MKLN1: variants seen among roughly 807,000 people sequenced by gnomAD.
MKLN1 encodes muskelin 1, also known as muskelin.
MKLN1 carries 18 observed loss-of-function variants against 99.0 expected under a neutral mutation model. The ratio of observed to expected loss-of-function variants is 0.18; its 90% confidence interval spans 0.13 to 0.27. The LOEUF is 0.27. MKLN1 is among the 10% of genes least tolerant of loss of function. The probability of loss-of-function intolerance (pLI) is 1.00; values close to 1 mark genes in which losing one functional copy is unlikely to be tolerated. For synonymous variants in MKLN1, 288 were observed against 293.2 expected (o/e 0.98, Z 0.18); for missense variants, 621 against 875.9 (o/e 0.71, Z 3.67).
intron 2 of MKLN1, among the ~76,000 whole-genome samples, chr7:131,198,372 A>T (rs911081388): frequency 3.9e-5 from 6 of 152,078 alleles, no homozygotes; most frequent in East Asian, 3.9e-4. Context: ...ATGGAAAAAA[A>T]TTTTTTTTTA....
chr7:131,171,050 C>A (rs937317130), intron 2 of MKLN1, among the ~76,000 whole-genome samples: 1 of 152,090 alleles, frequency 6.6e-6, no homozygotes, highest in Admixed American at 6.6e-5. Context: ...ATAAGACACA[C>A]ATAAAAAAGT....
chr7:131,133,820 G>GTTTTTTTTTTTTTTTTTTTTTTTTTTT (rs1563226583), intron 1 of MKLN1, among the ~76,000 whole-genome samples: 3 of 24,060 alleles, frequency 1.2e-4, no homozygotes, highest in Non-Finnish European at 2.2e-4. Context: ...TTTTAATTTG[G>GTTTTTTTTTTTTTTTTTTTTTTTTTTT]TTTTTTTTTT....
chr7:131,188,350 T>C (rs888251227), intron 2 of MKLN1, among the ~76,000 whole-genome samples: 3 of 152,122 alleles, frequency 2.0e-5, no homozygotes, highest in African/African-American at 7.2e-5. Context: ...ATTTCTCGAG[T>C]CTGTGAATTG....
At chr7:131,445,688 A>C in intron 11 of MKLN1, 86 bp from the exon 12 acceptor site, 9 of 1,130,686 alleles carry the variant, frequency 8.0e-6, no homozygotes, top group Non-Finnish European at 1.1e-5. Flanking sequence ...TTACTTTTGT[A>C]GAGGTTTAAG....
chr7:131,214,501 G>GA (rs1222317286), intron 3 of MKLN1, among the ~76,000 whole-genome samples: 1 of 152,288 alleles, frequency 6.6e-6, no homozygotes, highest in East Asian at 1.9e-4. Flanking sequence ...GGACAAGCTG[G>GA]AAACCAGCAC....
chr7:131,251,093 ATGTGTGTGTGTG>A (rs34359037), intron 3 of MKLN1, among the ~76,000 whole-genome samples: 4 of 146,248 alleles, frequency 2.7e-5, no homozygotes, highest in Admixed American at 6.8e-5. Flanking sequence ...TGGGGCCCAG[ATGTGTGTGTGTG>A]TGTGTGTGTG....
chr7:131,230,065 A>C (rs973220503), intron 3 of MKLN1, among the ~76,000 whole-genome samples: 1 of 152,196 alleles, frequency 6.6e-6, no homozygotes, highest in Non-Finnish European at 1.5e-5. Flanking sequence ...TCATTATACC[A>C]GGTTAATTTT....
intron 17 of MKLN1, among the ~76,000 whole-genome samples, chr7:131,485,897 TAAA>T (rs1026118362): frequency 1.3e-5 from 2 of 151,994 alleles, no homozygotes; most frequent in African/African-American, 4.8e-5. Context: ...AACATGACTG[TAAA>T]AAAGTGACTG....
At chr7:131,479,405 C>T (rs1001790823) in intron 17 of MKLN1, among the ~76,000 whole-genome samples, 2 of 151,956 alleles carry the variant, frequency 1.3e-5, no homozygotes, top group Non-Finnish European at 2.9e-5. Context: ...TGGTGTGCGC[C>T]CATAGTCCTA....
intron 1 of MKLN1, among the ~76,000 whole-genome samples, chr7:131,127,965 G>A (rs1795488697): frequency 6.6e-6 from 1 of 152,160 alleles, no homozygotes; most frequent in African/African-American, 2.4e-5. Flanking sequence ...GGGAAAAAGG[G>A]AGCCAAAAGC....
intron 3 of MKLN1, among the ~76,000 whole-genome samples, chr7:131,253,898 A>C (rs908335709): frequency 1.3e-5 from 2 of 152,260 alleles, no homozygotes; most frequent in African/African-American, 4.8e-5. Context: ...AGGGAGAACC[A>C]GGGAAAGAGA....
intron 3 of MKLN1, among the ~76,000 whole-genome samples, chr7:131,225,454 T>C (rs1247169312): frequency 1.3e-5 from 2 of 152,166 alleles, no homozygotes; most frequent in African/African-American, 4.8e-5. Flanking sequence ...ACTCAGTCCA[T>C]AGCAGCTGGA....
rs1048190562 is a variant in MKLN1 at position 131,135,521 on chromosome 7, A to G, written c.-418-7299A>G. ...TGACAATTGCAGAGGGACAAGCCCA[A>G]TGGGGCTGCCAATATTCAGACATTG... On this transcript the variant is annotated intron_variant, in intron 1 of 7. Transcript: ENST00000416992. Among the ~76,000 whole-genome samples the G allele has an allele frequency of 7.2e-5, 11 of 152,254 alleles. No homozygotes were observed. The South Asian group carries it at 1.9e-3, about 26-fold the overall frequency.
intron 2 of MKLN1, among the ~76,000 whole-genome samples, chr7:131,378,339 T>A (rs1017494022): frequency 3.3e-5 from 5 of 152,224 alleles, no homozygotes; most frequent in African/African-American, 1.2e-4. Flanking sequence ...CTTGAATTCC[T>A]GACCTCAGGT....
At chr7:131,462,470 T>C (rs1324563742) in intron 12 of MKLN1, among the ~76,000 whole-genome samples, 1 of 152,236 alleles carries the variant, frequency 6.6e-6, no homozygotes, top group South Asian at 2.1e-4. Context: ...ATTTAATCTC[T>C]ACTATCAAAT....
At chr7:131,205,774 T>C (rs1796800805) in intron 3 of MKLN1, among the ~76,000 whole-genome samples, 2 of 152,258 alleles carry the variant, frequency 1.3e-5, no homozygotes, top group South Asian at 2.1e-4. Context: ...AGGCCTTGCA[T>C]GTTTTCCTTC....
intron 3 of MKLN1, among the ~76,000 whole-genome samples, chr7:131,298,806 G>T (rs1236146362): frequency 6.6e-6 from 1 of 152,094 alleles, no homozygotes; most frequent in East Asian, 1.9e-4. Context: ...ATTTTTGTTT[G>T]GTAGTTTAGT....
At chr7:131,191,880 T>A (rs111885400) in intron 2 of MKLN1, among the ~76,000 whole-genome samples, 17,167 of 137,460 alleles carry the variant, frequency 0.12, 1,087 homozygotes, top group African/African-American at 0.16. Context: ...TGCCTGACTA[T>A]TTTTTTTTTT....
At chr7:131,456,647 G>A (rs1796348316) in intron 12 of MKLN1, among the ~76,000 whole-genome samples, 1 of 152,076 alleles carries the variant, frequency 6.6e-6, no homozygotes, top group African/African-American at 2.4e-5. Flanking sequence ...TTCTCCCTTT[G>A]TCCAGGGAGA....
Sources: allele counts gnomAD v4.1 joint callset (sites outside exome capture counted in the v4.1 genomes callset), GRCh38; gene constraint gnomAD v4.1.1; transcripts MANE v1.5; gene names NCBI Gene and HGNC (gene_info 2026-07-23, HGNC 2026-07-21).